Variants in ENKUR observed in about 807,000 individuals in gnomAD.
ENKUR encodes the protein enkurin, TRPC channel interacting protein, also known as enkurin.
In ENKUR, 19 loss-of-function variants were observed where a neutral mutation model predicts 27.6. The ratio of observed to expected loss-of-function variants is 0.69; its 90% CI spans 0.48 to 1.01. The LOEUF (loss-of-function observed/expected upper bound fraction) is 1.01, where lower values mean the gene tolerates loss of function less well. Among genes scored for constraint, ENKUR ranks in the 50% least tolerant of loss-of-function variants. ENKUR has a pLI of 0.00. For missense variants in ENKUR, 312 were observed against 310.5 expected, an observed-to-expected ratio of 1.00 and a Z score of -0.04; for synonymous variants, 117 against 96.9, an observed-to-expected ratio of 1.21 and a Z score of -1.22.
intron 2 of ENKUR, chr10:25,025,747 TGGA>T: frequency 3.3e-6 from 1 of 303,754 alleles, no homozygotes. Context: ...CACTGTTATG[TGGA>T]CCAAAATGTC....
intron 2 of ENKUR, chr10:25,023,773 G>T: frequency 6.2e-7 from 1 of 1,613,988 alleles, no homozygotes; most frequent in Non-Finnish European, 8.5e-7. Flanking sequence ...ATCTATGAAA[G>T]ACTTACTTAA....
intron 1 of ENKUR, among the ~76,000 whole-genome samples, chr10:25,007,905 A>C (rs540203636): frequency 6.6e-6 from 1 of 151,426 alleles, no homozygotes; most frequent in Non-Finnish European, 1.5e-5. Flanking sequence ...TCAACCACAT[A>C]GTTTTCCAGG....
chr10:25,053,628 A>C (rs549917339), intron 2 of ENKUR, among the ~76,000 whole-genome samples: 3 of 152,304 alleles, frequency 2.0e-5, no homozygotes, highest in Admixed American at 1.3e-4. Context: ...TTCATAGGAC[A>C]ATAATAGTAA....
intron 2 of ENKUR, among the ~76,000 whole-genome samples, chr10:25,030,862 T>C (rs1254060262): frequency 6.6e-6 from 1 of 152,186 alleles, no homozygotes; most frequent in African/African-American, 2.4e-5. Context: ...CTCATGCCTG[T>C]AATCCCAGCA....
In ENKUR at chr10:25,055,908, ATTC is replaced by A. The variant is rs553771444; in HGVS notation, c.37+5201_37+5203del. 1.9e-4 allele frequency among the ~76,000 whole-genome samples: 29 copies of A among 151,874 alleles called. No homozygotes were observed. The South Asian group carries it at 5.8e-3, about 30-fold the overall frequency. Reference sequence around the variant, plus strand: ...TGCCAGGTATGAAGAAGGCTATGAAATTCTTCTGCAGTCGTTGTTTTCTGCTGG... The same window carrying A: ...TGCCAGGTATGAAGAAGGCTATGAAATTCTGCAGTCGTTGTTTTCTGCTGG... On this transcript the variant is annotated intron_variant, in intron 2 of 5. Coordinates refer to the ENKUR transcript ENST00000615958.
chr10:25,057,935 T>C (rs1851279609), intron 2 of ENKUR, among the ~76,000 whole-genome samples: 1 of 151,078 alleles, frequency 6.6e-6, no homozygotes, highest in Admixed American at 6.6e-5. Flanking sequence ...GCAAAAGTAA[T>C]TTTATATATA....
chr10:25,034,406 G>A lies in ENKUR; in HGVS notation c.37+26706C>T, dbSNP rs558545993. Among the ~76,000 whole-genome samples the A allele has an allele frequency of 2.6e-5, 4 of 152,044 alleles. No individual in the cohort carries two copies. In the East Asian group the frequency reaches 7.7e-4, roughly 29 times the overall value. ...CATAGTTTTCTAGTCTAACAAAAAA[G>A]ATGTGAAAAAAATAGTATTTCTACT... On this transcript the variant is annotated intron_variant, in intron 2 of 5. Coordinates refer to the ENKUR transcript ENST00000615958.
Position 25,024,436 on chromosome 10 carries a change from G to A in ENKUR, c.38-28567C>T, listed in dbSNP as rs770557298. The A allele has an allele frequency of 6.8e-6, 11 of 1,614,018 alleles. 1 individual carries two copies. In the South Asian group the frequency reaches 1.2e-4, roughly 18 times the overall value. On this transcript the variant is annotated intron_variant, in intron 2 of 5. Transcript: ENST00000615958. Reference sequence around the variant, plus strand: ...TGATAAGCAAAGGATAGCTGTGGTTGCATTTTTTCCTGAGAATGGAGTAAG... The same window carrying A: ...TGATAAGCAAAGGATAGCTGTGGTTACATTTTTTCCTGAGAATGGAGTAAG...
intron 2 of ENKUR, among the ~76,000 whole-genome samples, chr10:25,026,957 T>C (rs933400151): frequency 6.6e-6 from 1 of 152,118 alleles, no homozygotes; most frequent in Non-Finnish European, 1.5e-5. Context: ...GATTCAAAGT[T>C]ACGTTTGTTC....
At chr10:25,017,061 C>G (rs1013577346), upstream of ENKUR, among the ~76,000 whole-genome samples, 1 of 152,184 alleles carries the variant, frequency 6.6e-6, no homozygotes. Context: ...GGGCGGTCCT[C>G]CGGGTCGGCT....
intron 1 of ENKUR, among the ~76,000 whole-genome samples, chr10:25,004,885 T>C (rs1850277275): frequency 6.6e-6 from 1 of 152,204 alleles, no homozygotes; most frequent in African/African-American, 2.4e-5. Context: ...AGGATTTTTA[T>C]AGTTTTGGGT....
chr10:25,058,235 T>C (rs1466728098), intron 2 of ENKUR, among the ~76,000 whole-genome samples: 1 of 151,948 alleles, frequency 6.6e-6, no homozygotes, highest in African/African-American at 2.4e-5. Context: ...TGAGACAGAG[T>C]CTCACTCTGT....
rs768048152 is a variant in ENKUR, at chr10:25,025,103, C to G, written c.38-29234G>C. 8 of 1,614,190 alleles carry G rather than the reference C, an allele frequency of 5.0e-6. No homozygotes were observed. In the Admixed American group the frequency reaches 1.0e-4, roughly 20 times the overall value. ...TGCTCTGAGGGAGAGTGCCTAGCAG[C>G]TATTAACTCCACCTATAATACTTCA... On this transcript the variant is annotated intron_variant, in intron 2 of 5. Coordinates refer to the ENKUR transcript ENST00000615958.
Position 24,995,822 on chromosome 10 carries a change from TCAA to T in ENKUR, c.268_270del (p.Leu90del). On this transcript the variant is annotated inframe_deletion, in exon 3 of 6. Transcript: ENST00000331161. ...ATTCCCATGACAGGATGATCAGTCT[TCAA>T]TGGCACAGCAGGCTTTTTGGGCACG... 1 of 1,613,562 alleles carries T rather than the reference TCAA, an allele frequency of 6.2e-7. No individual in the cohort carries two copies. The highest frequency in any genetic ancestry group is 1.7e-5 in the Admixed American group (1 of 59,958).
intron 2 of ENKUR, among the ~76,000 whole-genome samples, chr10:25,041,242 G>GATTC (rs1851060856): frequency 6.6e-6 from 1 of 152,164 alleles, no homozygotes; most frequent in South Asian, 2.1e-4. Context: ...TGATTTGGAT[G>GATTC]AGAAACTGCA....
exon 1 of ENKUR, chr10:25,062,219 T>C (rs1247845331): frequency 6.6e-6 from 1 of 152,146 alleles, no homozygotes; most frequent in Admixed American, 6.5e-5. Context: ...CATTCTCTTC[T>C]TGAGCAAGTA....
chr10:25,001,371 T>C lies in ENKUR; in HGVS notation c.78-1825A>G, dbSNP rs1850186303. 1.3e-5 allele frequency among the ~76,000 whole-genome samples: 2 copies of C among 152,016 alleles called. 1 individual carries two copies. The highest frequency in any genetic ancestry group is 1.3e-4 in the Admixed American group (2 of 15,262). The stretch of plus-strand genomic sequence containing the variant: ...ATTTGATGGTAATGTCTCTTGGTAT[T>C]CTTTTTTCTACTTGGGGTTAACTGT... On this transcript the variant is annotated intron_variant, in intron 1 of 5. Coordinates refer to ENST00000331161, the MANE Select transcript of ENKUR (RefSeq NM_145010.4).
At position 24,999,895 on chromosome 10, in the gene ENKUR, T is replaced by G. The variant is rs1323989383; in HGVS notation, c.78-349A>C. ...CAGTCTGGCTAGGGGTCTATTAATT[T>G]TATGAATCTTCTTATAGAACCAGAA... is the stretch of plus-strand genomic sequence containing the variant. On this transcript the variant is annotated intron_variant, in intron 1 of 5. Transcript: ENST00000331161. 8.5e-5 allele frequency among the ~76,000 whole-genome samples: 13 copies of G among 152,332 alleles called. No homozygotes were observed. The East Asian group carries it at 1.7e-3, about 20-fold the overall frequency.
intron 2 of ENKUR, among the ~76,000 whole-genome samples, chr10:25,038,068 C>G (rs570963062): frequency 6.6e-6 from 1 of 152,268 alleles, no homozygotes; most frequent in Non-Finnish European, 1.5e-5. Context: ...CAGTCACTTT[C>G]TAAATTACAT....
Sources: gnomAD v4.1 joint callset for allele counts (sites outside exome capture counted in the v4.1 genomes callset) on GRCh38, gnomAD v4.1.1 for gene constraint, MANE v1.5 for transcripts, NCBI Gene and HGNC (gene_info 2026-07-23, HGNC 2026-07-21) for gene names.